Variants in PRKCH observed in about 807,000 individuals in gnomAD.
The protein encoded by PRKCH is protein kinase C eta type.
Under a neutral mutation model 82.5 loss-of-function variants are expected in PRKCH, and 28 were observed. The observed-to-expected ratio is 0.34, with a 90% CI of 0.25 to 0.47. The LOEUF (loss-of-function observed/expected upper bound fraction) is 0.47, where lower values mean the gene tolerates loss of function less well. Ranked by LOEUF, PRKCH falls within the 20% of genes least tolerant of loss-of-function variation. The pLI is 1.00. For missense variants in PRKCH, 705 were observed against 881.8 expected (o/e 0.80, Z 2.54); for synonymous variants, 322 against 327.4 (o/e 0.98, Z 0.18).
At chr14:61,335,151 A>G (rs2045840273) in intron 1 of PRKCH, among the ~76,000 whole-genome samples, 1 of 152,186 alleles carries the variant, frequency 6.6e-6, no homozygotes, top group African/African-American at 2.4e-5. Context: ...GGCTGAGGAT[A>G]GACACCCACA....
At chr14:61,305,126 T>A (rs535979555) in intron 1 of PRKCH, 57 of 152,208 alleles carry the variant, frequency 3.7e-4, no homozygotes, top group Admixed American at 9.2e-4. Flanking sequence ...AGAATTTTTT[T>A]AAAAATTTCA....
At chr14:61,193,609 A>G (rs897387923) in intron 1 of PRKCH, among the ~76,000 whole-genome samples, 4 of 152,134 alleles carry the variant, frequency 2.6e-5, no homozygotes, top group African/African-American at 9.7e-5. Context: ...TGACCAAGAC[A>G]CTAGTTCTTT....
upstream of PRKCH, among the ~76,000 whole-genome samples, chr14:61,320,484 A>G (rs1594908756): frequency 1.3e-5 from 2 of 152,206 alleles, no homozygotes; most frequent in African/African-American, 4.8e-5. Flanking sequence ...CTGTAATTCC[A>G]GCTACTCGGG....
chr14:61,270,425 C>T (rs1471986329), intron 1 of PRKCH, among the ~76,000 whole-genome samples: 2 of 152,198 alleles, frequency 1.3e-5, no homozygotes, highest in Non-Finnish European at 2.9e-5. Flanking sequence ...CTCCCTCATA[C>T]AGTGTCTATA....
chr14:61,399,582 G>A (rs553402425), intron 2 of PRKCH, among the ~76,000 whole-genome samples: 12 of 152,152 alleles, frequency 7.9e-5, no homozygotes, highest in East Asian at 3.8e-4. Context: ...CTTTTGTTCC[G>A]TCATAAAGTT....
At chr14:61,267,505 T>C (rs1243106946) in intron 1 of PRKCH, among the ~76,000 whole-genome samples, 2 of 152,200 alleles carry the variant, frequency 1.3e-5, no homozygotes, top group East Asian at 3.9e-4. Context: ...CTTCTTGTGA[T>C]CCTGAAGGTT....
chr14:61,458,312 G>A (rs1884872615), intron 9 of PRKCH, among the ~76,000 whole-genome samples: 1 of 152,228 alleles, frequency 6.6e-6, no homozygotes, highest in Non-Finnish European at 1.5e-5. Flanking sequence ...GATGAGTTTG[G>A]TTCATTAGTA....
chr14:61,489,849 A>G (rs1217956456), intron 10 of PRKCH, among the ~76,000 whole-genome samples: 3 of 152,212 alleles, frequency 2.0e-5, no homozygotes, highest in Non-Finnish European at 2.9e-5. Context: ...AGCATGTTTC[A>G]TCAACTGTAT....
chr14:61,256,568 C>A (rs950618829), intron 1 of PRKCH, among the ~76,000 whole-genome samples: 1 of 152,130 alleles, frequency 6.6e-6, no homozygotes, highest in East Asian at 1.9e-4. Flanking sequence ...ATCCTAAACT[C>A]GCCCCGCATC....
At chr14:61,281,186 G>C (rs1180565211) in intron 1 of PRKCH, 3 of 1,240,570 alleles carry the variant, frequency 2.4e-6, no homozygotes, top group African/African-American at 3.2e-5. Context: ...CTGACCGAGT[G>C]GGGGCCCCGC....
At chr14:61,418,575 A>G (rs1484149606) in intron 2 of PRKCH, among the ~76,000 whole-genome samples, 8 of 152,204 alleles carry the variant, frequency 5.3e-5, no homozygotes, top group Admixed American at 5.2e-4. Flanking sequence ...TTGCTGAGAA[A>G]TGTCTCAGAG....
At chr14:61,493,581 C>A (rs1450339378) in intron 10 of PRKCH, among the ~76,000 whole-genome samples, 9 of 152,192 alleles carry the variant, frequency 5.9e-5, no homozygotes, top group Non-Finnish European at 1.3e-4. Context: ...GGGAAAGAAT[C>A]ATTATTTGAT....
At chr14:61,370,315 C>T (rs893861391) in intron 1 of PRKCH, among the ~76,000 whole-genome samples, 9 of 151,964 alleles carry the variant, frequency 5.9e-5, no homozygotes, top group Admixed American at 2.6e-4. Context: ...GGAGAAAAAG[C>T]GAAGGGATGA....
chr14:61,365,042 G>T (rs2046280182), intron 1 of PRKCH, among the ~76,000 whole-genome samples: 1 of 152,060 alleles, frequency 6.6e-6, no homozygotes. Context: ...GCTGAGAGAA[G>T]TGGCCTGGAA....
At chr14:61,520,262 T>C (rs937714385) in intron 10 of PRKCH, among the ~76,000 whole-genome samples, 2 of 146,320 alleles carry the variant, frequency 1.4e-5, no homozygotes, top group Non-Finnish European at 3.1e-5. Flanking sequence ...CATCTCCTTT[T>C]TTCCTCCTGT....
At chr14:61,547,606 A>G in intron 12 of PRKCH, 137 bp from the exon 13 acceptor site, 1 of 1,086,322 alleles carries the variant, frequency 9.2e-7, no homozygotes. Context: ...GCTGCCTGTG[A>G]TGGAAAACCC....
chr14:61,500,324 A>C (rs1300336454), intron 10 of PRKCH, among the ~76,000 whole-genome samples: 1 of 151,842 alleles, frequency 6.6e-6, no homozygotes, highest in East Asian at 1.9e-4. Context: ...CAGCCTCCCA[A>C]GTATCTGGGA....
At chr14:61,356,313 C>T (rs892498286) in intron 1 of PRKCH, among the ~76,000 whole-genome samples, 6 of 152,126 alleles carry the variant, frequency 3.9e-5, no homozygotes, top group African/African-American at 1.2e-4. Flanking sequence ...AGGAGGGGAG[C>T]TTGTACCCAT....
intron 1 of PRKCH, among the ~76,000 whole-genome samples, chr14:61,308,852 TTCCTGGCCTCAAGCAA>T (rs2045501332): frequency 6.6e-6 from 1 of 150,786 alleles, no homozygotes; most frequent in South Asian, 2.1e-4. Context: ...TGGTCTTGAA[TTCCTGGCCTCAAGCAA>T]TCCTCCAGCG....
Sources: gnomAD v4.1 joint callset for allele counts (sites outside exome capture counted in the v4.1 genomes callset) on GRCh38, gnomAD v4.1.1 for gene constraint, MANE v1.5 for transcripts, NCBI Gene and HGNC (gene_info 2026-07-23, HGNC 2026-07-21) for gene names.